The following GPC6 variants were observed in gnomAD, a reference collection of about 807,000 sequenced individuals.
The protein encoded by GPC6 is glypican 6.
Under a neutral mutation model 55.2 loss-of-function variants are expected in GPC6, and 14 were observed. The ratio of observed to expected loss-of-function variants is 0.25; its 90% CI spans 0.17 to 0.40. GPC6 has a LOEUF of 0.40. Ranked by LOEUF, GPC6 falls within the 10% of genes least tolerant of loss-of-function variation. The pLI, the probability that GPC6 is intolerant of heterozygous loss-of-function variation, is 1.00. For missense variants in GPC6, 641 were observed against 708.5 expected (o/e 0.90, Z 1.08); for synonymous variants, 278 against 259.6 (o/e 1.07, Z -0.68).
chr13:93,323,730 T>G (rs1879540413), intron 1 of GPC6, among the ~76,000 whole-genome samples: 1 of 152,100 alleles, frequency 6.6e-6, no homozygotes. Flanking sequence ...TAGGAGACAG[T>G]TAGTAAATTG....
At chr13:93,397,886 T>C (rs1440949075) in intron 1 of GPC6, among the ~76,000 whole-genome samples, 1 of 152,166 alleles carries the variant, frequency 6.6e-6, no homozygotes, top group Admixed American at 6.5e-5. Flanking sequence ...GTGTGAAATG[T>C]ATATTCTTAG....
At chr13:94,314,839 G>T (rs1005613046) in intron 6 of GPC6, among the ~76,000 whole-genome samples, 1 of 152,132 alleles carries the variant, frequency 6.6e-6, no homozygotes, top group Non-Finnish European at 1.5e-5. Flanking sequence ...AGACTCTGGG[G>T]CCTATGGAAT....
chr13:94,288,470 T>G (rs1892591983), intron 5 of GPC6, among the ~76,000 whole-genome samples: 1 of 151,918 alleles, frequency 6.6e-6, no homozygotes, highest in Non-Finnish European at 1.5e-5. Flanking sequence ...TGGCTTCTTT[T>G]GTACTTAGAA....
intron 2 of GPC6, among the ~76,000 whole-genome samples, chr13:93,641,388 T>TGCA (rs1879930095): frequency 6.6e-6 from 1 of 152,136 alleles, no homozygotes; most frequent in African/African-American, 2.4e-5. Context: ...GTATTCTGAC[T>TGCA]GCAGGGGTTT....
chr13:93,774,182 T>G (rs9589824), intron 2 of GPC6, among the ~76,000 whole-genome samples: 5 of 152,186 alleles, frequency 3.3e-5, no homozygotes, highest in African/African-American at 1.2e-4. Flanking sequence ...GGTGTCGTTT[T>G]TCCTGTAGGC....
rs114511087 is a variant in GPC6 at position 94,262,261 on chromosome 13, C to T, written c.878-24088C>T. Reference sequence around the variant, plus strand: ...GGTCCAGAGGCAAGAGTGAGTTGGGCAGCGGGTCTACACTGATGCCAGGGG... The same window carrying T: ...GGTCCAGAGGCAAGAGTGAGTTGGGTAGCGGGTCTACACTGATGCCAGGGG... On this transcript the variant is annotated intron_variant, in intron 4 of 8. Transcript: ENST00000377047. 2.2e-3 allele frequency among the ~76,000 whole-genome samples: 341 copies of T among 152,204 alleles called. 2 individuals carry two copies. Among genetic ancestry groups the T allele is most frequent in the African/African-American group, 7.8e-3 (325 of 41,526 alleles).
At chr13:93,535,686 A>G (rs76051588) in intron 1 of GPC6, among the ~76,000 whole-genome samples, 1 of 147,386 alleles carries the variant, frequency 6.8e-6, no homozygotes, top group Admixed American at 6.8e-5. Context: ...TTTTTTAGGA[A>G]AAAAAAAAAA....
intron 1 of GPC6, among the ~76,000 whole-genome samples, chr13:93,314,754 T>TGTGTGTGCGCGC (rs1555290021): frequency 6.7e-5 from 10 of 149,294 alleles, no homozygotes; most frequent in African/African-American, 2.5e-4. Context: ...TGTGTGTGTG[T>TGTGTGTGCGCGC]GTGCACGCAT....
chr13:93,432,952 G>C (rs925111817), intron 1 of GPC6, among the ~76,000 whole-genome samples: 7 of 14,456 alleles, frequency 4.8e-4, no homozygotes, highest in Non-Finnish European at 7.6e-4. Flanking sequence ...CAGAAAAAAA[G>C]GAAAGAAAAA....
At chr13:94,178,019 C>CTT (rs1168141629) in intron 4 of GPC6, among the ~76,000 whole-genome samples, 28 of 121,386 alleles carry the variant, frequency 2.3e-4, no homozygotes, top group South Asian at 1.0e-3. Flanking sequence ...TTTCAGTGGC[C>CTT]TTTTAATTTT....
At chr13:93,438,951 C>CAATATTGAAGCAAGT (rs1003229361) in intron 1 of GPC6, among the ~76,000 whole-genome samples, 5 of 152,074 alleles carry the variant, frequency 3.3e-5, no homozygotes, top group African/African-American at 1.2e-4. Flanking sequence ...CTTCCCTGAT[C>CAATATTGAAGCAAGT]CATCAGCAGT....
chr13:93,765,606 C>T lies in GPC6; in HGVS notation c.320-64548C>T, dbSNP rs1337374960. On this transcript the variant is annotated intron_variant, in intron 2 of 8. Coordinates refer to ENST00000377047, the MANE Select transcript of GPC6 (RefSeq NM_005708.5). The stretch of plus-strand genomic sequence containing the variant: ...ATTAATGTATGCCCCAGGTTACCTG[C>T]ATTATTCATAGTAAGGTTAATCTTT... Among the ~76,000 whole-genome samples the T allele has an allele frequency of 5.9e-5, 9 of 152,264 alleles. No individual in the cohort carries two copies. In the East Asian group the frequency reaches 1.7e-3, roughly 29 times the overall value.
chr13:93,953,062 A>G (rs966766329), intron 3 of GPC6, among the ~76,000 whole-genome samples: 1 of 151,644 alleles, frequency 6.6e-6, no homozygotes, highest in Non-Finnish European at 1.5e-5. Flanking sequence ...CCATGCTTAG[A>G]TGCTGTCAGA....
rs115719076 is a variant in GPC6 at position 93,792,780 on chromosome 13, A to G, written c.320-37374A>G. The stretch of plus-strand genomic sequence containing the variant: ...CTAAGGACCTGATAACCAAGACTAA[A>G]CTAAAATCAGTAAAATCCATGGGTG... On this transcript the variant is annotated intron_variant, in intron 2 of 8. Coordinates refer to ENST00000377047, the MANE Select transcript of GPC6 (RefSeq NM_005708.5). Among the ~76,000 whole-genome samples, 669 of 152,292 alleles carry G rather than the reference A, an allele frequency of 4.4e-3. 10 individuals are homozygous for G. The highest frequency in any genetic ancestry group is 0.016 in the African/African-American group (645 of 41,554).
intron 6 of GPC6, among the ~76,000 whole-genome samples, chr13:94,316,760 G>A (rs1335561388): frequency 1.3e-5 from 2 of 151,828 alleles, no homozygotes; most frequent in Non-Finnish European, 2.9e-5. Context: ...TTTTACTACT[G>A]GCATGTAGAT....
At chr13:93,768,743 A>T (rs536221185) in intron 2 of GPC6, among the ~76,000 whole-genome samples, 36 of 152,202 alleles carry the variant, frequency 2.4e-4, no homozygotes, top group Non-Finnish European at 5.1e-4. Context: ...ATGCTGGCTT[A>T]TGCAGGCTCT....
At chr13:93,422,911 A>G (rs1876977186) in intron 1 of GPC6, among the ~76,000 whole-genome samples, 1 of 152,200 alleles carries the variant, frequency 6.6e-6, no homozygotes, top group South Asian at 2.1e-4. Flanking sequence ...CTTAAAAAGC[A>G]CAGAGTAGAG....
chr13:93,391,874 C>G (rs112510321), intron 1 of GPC6, among the ~76,000 whole-genome samples: 1 of 152,048 alleles, frequency 6.6e-6, no homozygotes. Context: ...TAGATGGACC[C>G]TCATAGTGTT....
intron 1 of GPC6, among the ~76,000 whole-genome samples, chr13:93,372,041 T>A (rs1248148376): frequency 6.6e-6 from 1 of 152,166 alleles, no homozygotes; most frequent in African/African-American, 2.4e-5. Flanking sequence ...ATTTCTGAAG[T>A]GATGAGCAAA....
Sources: allele counts gnomAD v4.1 joint callset (sites outside exome capture counted in the v4.1 genomes callset), GRCh38; gene constraint gnomAD v4.1.1; transcripts MANE v1.5; gene names NCBI Gene and HGNC (gene_info 2026-07-23, HGNC 2026-07-21).